ROR1: variants seen among roughly 807,000 people sequenced by gnomAD.
The protein encoded by ROR1 is ROR family WNT receptor 1.
A neutral mutation model predicts 78.8 loss-of-function variants in ROR1; 19 were observed. The ratio of observed to expected loss-of-function variants is 0.24; its 90% CI spans 0.17 to 0.35. The LOEUF (loss-of-function observed/expected upper bound fraction) is 0.35. Among genes scored for constraint, ROR1 ranks in the 10% least tolerant of loss-of-function variants. ROR1 has a pLI of 1.00. For synonymous variants in ROR1, 386 were observed against 433.6 expected, an observed-to-expected ratio of 0.89 and a Z score of 1.36; for missense variants, 917 against 1,177.8, an observed-to-expected ratio of 0.78 and a Z score of 3.24.
At chr1:63,909,369 A>T (rs975940839) in intron 1 of ROR1, among the ~76,000 whole-genome samples, 9 of 152,216 alleles carry the variant, frequency 5.9e-5, no homozygotes, top group African/African-American at 2.2e-4. Context: ...TAGCATCTGT[A>T]TGCACTTGAA....
At chr1:63,806,564 G>A (rs634803) in intron 1 of ROR1, among the ~76,000 whole-genome samples, 63,472 of 151,730 alleles carry the variant, frequency 0.42, 18,165 homozygotes, top group African/African-American at 0.83. Context: ...TGATCCGCCC[G>A]CCCTGGCCTC....
At chr1:63,885,813 C>A (rs900302939) in intron 1 of ROR1, among the ~76,000 whole-genome samples, 31 of 152,188 alleles carry the variant, frequency 2.0e-4, no homozygotes, top group Admixed American at 2.0e-3. Context: ...TGGTCCCCAA[C>A]CTTTTTGGCA....
At chr1:64,009,423 C>T in intron 2 of ROR1, 47 bp downstream of exon 2, 1 of 1,429,174 alleles carries the variant, frequency 7.0e-7, no homozygotes, top group Non-Finnish European at 9.9e-7. Context: ...AGGTGTGGAA[C>T]TGTTTTTAAT....
At chr1:63,834,482 C>CAT (rs1459137306) in intron 1 of ROR1, among the ~76,000 whole-genome samples, 1 of 152,178 alleles carries the variant, frequency 6.6e-6, no homozygotes, top group African/African-American at 2.4e-5. Flanking sequence ...CTGCTGTTTA[C>CAT]ATGCTGAATC....
At chr1:64,172,839 G>T (rs1263538057) in intron 8 of ROR1, among the ~76,000 whole-genome samples, 1 of 152,086 alleles carries the variant, frequency 6.6e-6, no homozygotes, top group East Asian at 1.9e-4. Flanking sequence ...GTCAAGCAGA[G>T]GTCATTTCAC....
At position 64,117,467 on chromosome 1, in the gene ROR1, T is replaced by C. The variant is rs1569797833; in HGVS notation, c.483-19902T>C. Among the ~76,000 whole-genome samples, 2 of 152,296 alleles carry C rather than the reference T, an allele frequency of 1.3e-5. 1 individual carries two copies. The highest frequency in any genetic ancestry group is 4.1e-4 in the South Asian group (2 of 4,826). Reference sequence around the variant, plus strand: ...AAACCAGTGAGCGGGGGAAGAATGATAAAAATCACATTTTCTGAAATTACT... The same window carrying C: ...AAACCAGTGAGCGGGGGAAGAATGACAAAAATCACATTTTCTGAAATTACT... On this transcript the variant is annotated intron_variant, in intron 4 of 8. Transcript: ENST00000371079.
At chr1:64,025,345 C>T (rs1646599071) in intron 2 of ROR1, among the ~76,000 whole-genome samples, 1 of 152,222 alleles carries the variant, frequency 6.6e-6, no homozygotes, top group South Asian at 2.1e-4. Context: ...CGCTTCTGTA[C>T]TACTGGTGGG....
intron 1 of ROR1, among the ~76,000 whole-genome samples, chr1:63,901,770 TATC>T (rs1188986864): frequency 1.3e-5 from 2 of 152,176 alleles, no homozygotes; most frequent in Admixed American, 6.5e-5. Flanking sequence ...TACTTCCTTC[TATC>T]ATATATTAAT....
chr1:64,000,314 G>C (rs1341896057), intron 1 of ROR1, among the ~76,000 whole-genome samples: 1 of 152,214 alleles, frequency 6.6e-6, no homozygotes, highest in Non-Finnish European at 1.5e-5. Context: ...ACCAGTTTCT[G>C]AGCGAAGCAT....
chr1:63,956,300 G>T (rs1364337557), intron 1 of ROR1, among the ~76,000 whole-genome samples: 1 of 152,132 alleles, frequency 6.6e-6, no homozygotes, highest in Admixed American at 6.5e-5. Flanking sequence ...TCCCAGCAGA[G>T]CTCATTTCTA....
At chr1:63,934,288 GCCATACCAGTCACCCTC>G (rs1645776903) in intron 1 of ROR1, among the ~76,000 whole-genome samples, 1 of 152,080 alleles carries the variant, frequency 6.6e-6, no homozygotes, top group Non-Finnish European at 1.5e-5. Flanking sequence ...TTTGAACCGA[GCCATACCAGTCACCCTC>G]TGTGTGACTT....
At chr1:64,131,702 A>G (rs1301484569) in intron 4 of ROR1, among the ~76,000 whole-genome samples, 1 of 151,952 alleles carries the variant, frequency 6.6e-6, no homozygotes, top group Non-Finnish European at 1.5e-5. Context: ...ACAGCCTCAA[A>G]CTCCTGGACT....
At chr1:63,780,742 G>A (rs1318949611) in intron 1 of ROR1, among the ~76,000 whole-genome samples, 1 of 152,198 alleles carries the variant, frequency 6.6e-6, no homozygotes, top group African/African-American at 2.4e-5. Context: ...GGATTCCACA[G>A]TGCAGTTTTG....
At chr1:63,891,969 A>G (rs546076247) in intron 1 of ROR1, among the ~76,000 whole-genome samples, 10 of 152,172 alleles carry the variant, frequency 6.6e-5, no homozygotes, top group Admixed American at 2.6e-4. Flanking sequence ...ATTTCTACAT[A>G]TATATATCTT....
chr1:64,140,204 G>C lies in ROR1; in HGVS notation c.706G>C (p.Asp236His). The change falls in exon 6 of 9, where the codon GAT becomes CAT. Residue 236 changes from aspartate to histidine, a missense_variant. Coordinates refer to ENST00000371079, the MANE Select transcript of ROR1 (RefSeq NM_005012.4). ...SLCHYAFPYC[D>H]ETSSVPKPRD... ...GTGCCACTATGCCTTCCCGTACTGC[G>C]ATGAAACTTCATCCGTCCCAAAGCC... 1 of 1,614,084 alleles carries C rather than the reference G, an allele frequency of 6.2e-7. No individual in the cohort carries two copies. The highest frequency in any genetic ancestry group is 8.5e-7 in the Non-Finnish European group (1 of 1,180,000).
At chr1:64,069,515 A>AGTGTGT (rs1646984762) in intron 4 of ROR1, among the ~76,000 whole-genome samples, 2 of 118,392 alleles carry the variant, frequency 1.7e-5, no homozygotes, top group African/African-American at 9.7e-5. Context: ...TCTTGGGTTA[A>AGTGTGT]ATGTGTGTGT....
At chr1:64,014,721 A>ATATATATATG (rs200268487) in intron 2 of ROR1, among the ~76,000 whole-genome samples, 1 of 55,330 alleles carries the variant, frequency 1.8e-5, no homozygotes, top group Non-Finnish European at 3.5e-5. Flanking sequence ...GACTATATAT[A>ATATATATATG]TATATACACA....
intron 1 of ROR1, among the ~76,000 whole-genome samples, 172 bp from the exon 2 acceptor site, chr1:64,009,133 G>A (rs1042664598): frequency 3.3e-5 from 5 of 152,076 alleles, no homozygotes; most frequent in African/African-American, 1.2e-4. Context: ...AAATGCAGGC[G>A]CCTCTACTGG....
chr1:64,069,344 C>T (rs1030658157), intron 4 of ROR1, among the ~76,000 whole-genome samples: 3 of 151,896 alleles, frequency 2.0e-5, no homozygotes, highest in African/African-American at 7.3e-5. Flanking sequence ...TTTTTTGTTT[C>T]GGAGAGACTT....
Sources: allele counts gnomAD v4.1 joint callset (sites outside exome capture counted in the v4.1 genomes callset), GRCh38; gene constraint gnomAD v4.1.1; transcripts MANE v1.5; gene names NCBI Gene and HGNC (gene_info 2026-07-23, HGNC 2026-07-21).